CFAP263: variants seen among roughly 807,000 people sequenced by gnomAD.
CFAP263 encodes the protein cilia and flagella associated protein 263, also known as cilia- and flagella-associated protein 263.
chr16:58,267,275 A>G, the CFAP263 span, among the ~76,000 whole-genome samples: 1 of 152,068 alleles, frequency 6.6e-6, no homozygotes, highest in Non-Finnish European at 1.5e-5. Flanking sequence ...TTGCCTCTCC[A>G]GCTGAGGCCA....
At chr16:58,262,438 A>G in the CFAP263 span, 1 of 1,613,384 alleles carries the variant, frequency 6.2e-7, no homozygotes, top group African/African-American at 1.3e-5. Context: ...AGTTGAAGAT[A>G]GAGAACGCTC....
chr16:58,279,788 G>A, the CFAP263 span: 249 of 1,604,312 alleles, frequency 1.6e-4, 1 homozygote, highest in African/African-American at 2.9e-3. Flanking sequence ...CCAGAGGCAG[G>A]CCACGGCTTA....
chr16:58,251,303 A>G, the CFAP263 span, among the ~76,000 whole-genome samples: 5 of 152,240 alleles, frequency 3.3e-5, no homozygotes, highest in Non-Finnish European at 5.9e-5. Flanking sequence ...CACAGACTAC[A>G]TACACCTGGA....
chr16:58,277,189 C>T, the CFAP263 span, among the ~76,000 whole-genome samples: 2 of 151,646 alleles, frequency 1.3e-5, no homozygotes, highest in African/African-American at 4.9e-5. Context: ...AGTGCAGCGT[C>T]GTGATCTCGG....
the CFAP263 span, chr16:58,283,708 C>T: frequency 1.3e-5 from 2 of 152,116 alleles, no homozygotes; most frequent in Non-Finnish European, 2.9e-5. Context: ...GTTAAGATCC[C>T]CCACCTGGCA....
chr16:58,279,101 T>C, the CFAP263 span, among the ~76,000 whole-genome samples: 1 of 152,110 alleles, frequency 6.6e-6, no homozygotes, highest in Admixed American at 6.5e-5. Context: ...TTGAATATGG[T>C]ACCATGTGAC....
At chr16:58,259,237 T>TA in the CFAP263 span, among the ~76,000 whole-genome samples, 10 of 152,174 alleles carry the variant, frequency 6.6e-5, no homozygotes, top group African/African-American at 2.2e-4. Context: ...AAAAAACCTT[T>TA]AAAAAAATTG....
chr16:58,257,014 CTT>C, the CFAP263 span, among the ~76,000 whole-genome samples: 6 of 41,918 alleles, frequency 1.4e-4, no homozygotes, highest in South Asian at 1.8e-3. Flanking sequence ...ATATGAATTT[CTT>C]TTTTTTTTTT....
chr16:58,260,608 C>G, the CFAP263 span, among the ~76,000 whole-genome samples: 4 of 152,106 alleles, frequency 2.6e-5, no homozygotes, highest in Non-Finnish European at 5.9e-5. Context: ...TCTAGCATCG[C>G]CATCAGCTGA....
the CFAP263 span, among the ~76,000 whole-genome samples, chr16:58,271,244 A>G: frequency 6.6e-6 from 1 of 152,164 alleles, no homozygotes; most frequent in Non-Finnish European, 1.5e-5. Flanking sequence ...TAATCTGGGA[A>G]TGTCTTTATT....
the CFAP263 span, among the ~76,000 whole-genome samples, chr16:58,259,637 A>G: frequency 6.6e-6 from 1 of 152,210 alleles, no homozygotes; most frequent in African/African-American, 2.4e-5. Flanking sequence ...TGAAAGCAAT[A>G]TAAAATTTGC....
the CFAP263 span, among the ~76,000 whole-genome samples, chr16:58,255,677 G>C: frequency 6.6e-6 from 1 of 151,402 alleles, no homozygotes; most frequent in Non-Finnish European, 1.5e-5. Flanking sequence ...TCCTGCCTCA[G>C]CCTCCCGAGT....
the CFAP263 span, among the ~76,000 whole-genome samples, chr16:58,270,945 C>T: frequency 6.6e-6 from 1 of 152,128 alleles, no homozygotes; most frequent in African/African-American, 2.4e-5. Flanking sequence ...TTCAGCCTCC[C>T]TCCTTTGTGC....
At chr16:58,252,318 G>A in the CFAP263 span, among the ~76,000 whole-genome samples, 1 of 151,804 alleles carries the variant, frequency 6.6e-6, no homozygotes, top group Non-Finnish European at 1.5e-5. Flanking sequence ...TACAGTGAGT[G>A]CAACAGAGTA....
chr16:58,264,915 G>A, the CFAP263 span, among the ~76,000 whole-genome samples: 2 of 152,242 alleles, frequency 1.3e-5, no homozygotes, highest in African/African-American at 2.4e-5. Context: ...GCACTGGGCT[G>A]AGTGCTAAGG....
the CFAP263 span, among the ~76,000 whole-genome samples, chr16:58,270,049 C>T: frequency 6.6e-6 from 1 of 152,162 alleles, no homozygotes; most frequent in Non-Finnish European, 1.5e-5. Context: ...GAAGTGATAG[C>T]TCGTTGTGGT....
chr16:58,278,457 G>C, the CFAP263 span: 1 of 1,611,504 alleles, frequency 6.2e-7, no homozygotes. Flanking sequence ...GGTTCCCTGG[G>C]TGTAACTGGT....
chr16:58,277,559 G>A, the CFAP263 span, among the ~76,000 whole-genome samples: 7 of 152,172 alleles, frequency 4.6e-5, no homozygotes, highest in Admixed American at 2.0e-4. Flanking sequence ...GGCATTCTGC[G>A]TCTGGGAATA....
the CFAP263 span, chr16:58,262,690 C>G: frequency 1.5e-6 from 1 of 652,662 alleles, no homozygotes; most frequent in Non-Finnish European, 2.5e-6. Context: ...CCTGAATGCT[C>G]CCACAACCCT....
Sources: gnomAD v4.1 joint callset for allele counts (sites outside exome capture counted in the v4.1 genomes callset) on GRCh38, gnomAD v4.1.1 for gene constraint, MANE v1.5 for transcripts, NCBI Gene and HGNC (gene_info 2026-07-23, HGNC 2026-07-21) for gene names.